Variants in DNM3 observed in about 807,000 individuals in gnomAD.
DNM3 encodes dynamin-3.
Under a neutral mutation model 101.6 loss-of-function variants are expected in DNM3, and 47 were observed. The observed-to-expected ratio is 0.46, with a 90% confidence interval of 0.37 to 0.59. The LOEUF (loss-of-function observed/expected upper bound fraction) is 0.59. Among genes scored for constraint, DNM3 ranks in the 20% least tolerant of loss-of-function variants. The probability of loss-of-function intolerance (pLI) is 0.00; values close to 1 mark genes in which losing one functional copy is unlikely to be tolerated. For missense variants in DNM3, 849 were observed against 1,085.7 expected (o/e 0.78, Z 3.06); for synonymous variants, 385 against 387.9 (o/e 0.99, Z 0.09).
In DNM3 at chr1:172,407,813, G is replaced by T; in HGVS notation, c.2564G>T (p.Arg855Leu). The T allele has an allele frequency of 6.2e-7, 1 of 1,613,040 alleles. No individual in the cohort carries two copies. ...TCACCAACTCGTCCCACTATAATCC[G>T]CCCACTAGAATCCTCCCTGTTAGAC... Reference protein sequence around the residue: ...PPSPTRPTIIRPLESSLLD With the variant: ...PPSPTRPTIILPLESSLLD Residue 855 changes from arginine to leucine, a missense_variant, in exon 21 of 21, where the codon CGC (arginine) becomes CTC (leucine). By Grantham distance (102) the Arg-to-Leu change is moderately radical (BLOSUM62 -2). Around this residue, in one of 5 missense-constraint regions of DNM3, gnomAD observed 256 missense variants for 311.7 expected, o/e 0.82. Transcript: ENST00000627582.
intron 12 of DNM3, among the ~76,000 whole-genome samples, chr1:172,088,222 A>G (rs2053665331): frequency 6.6e-6 from 1 of 152,182 alleles, no homozygotes; most frequent in Admixed American, 6.5e-5. Flanking sequence ...TTTATAAAAT[A>G]CAGGCACAGA....
At chr1:172,171,436 T>C (rs1372608491) in intron 14 of DNM3, among the ~76,000 whole-genome samples, 1 of 151,766 alleles carries the variant, frequency 6.6e-6, no homozygotes, top group African/African-American at 2.4e-5. Flanking sequence ...AGTATGTGAG[T>C]TGAATATAAG....
intron 19 of DNM3, among the ~76,000 whole-genome samples, 170 bp downstream of exon 19, chr1:172,387,529 G>A (rs2069257651): frequency 1.3e-5 from 2 of 152,050 alleles, no homozygotes; most frequent in African/African-American, 4.8e-5. Context: ...CGTGGTGGCG[G>A]GTGCCTGTAG....
chr1:172,224,469 AAG>A (rs1419958811), intron 14 of DNM3, among the ~76,000 whole-genome samples: 1 of 152,170 alleles, frequency 6.6e-6, no homozygotes, highest in Non-Finnish European at 1.5e-5. Flanking sequence ...GAGAGGAAGA[AAG>A]AGGATTAAGC....
chr1:172,408,501 A>G lies in DNM3; in HGVS notation c.*660A>G. ...TTGCTTCATGCTAGAAGCATATGCA[A>G]CAGTGAATAAAAGCTTCTTTTTTTG... On this transcript the variant is annotated 3_prime_UTR_variant, in exon 21 of 21. Transcript: ENST00000627582. The G allele has an allele frequency of 1.0e-6, 1 of 985,372 alleles. No individual in the cohort carries two copies. The highest frequency in any genetic ancestry group is 1.2e-6 in the Non-Finnish European group (1 of 829,882). 61.0% of individuals were successfully genotyped at this position (985,372 alleles called of 1,614,324 possible). A position where few individuals can be genotyped will look rare whatever the true frequency, so the allele number is the denominator to read the frequency against.
intron 2 of DNM3, among the ~76,000 whole-genome samples, chr1:171,969,718 T>C (rs528447958): frequency 2.6e-5 from 4 of 152,250 alleles, no homozygotes; most frequent in Admixed American, 6.5e-5. Context: ...AGAGAGACCT[T>C]GGGGCTGCTT....
At chr1:172,320,472 C>G (rs951470289) in intron 16 of DNM3, among the ~76,000 whole-genome samples, 1 of 151,964 alleles carries the variant, frequency 6.6e-6, no homozygotes, top group Non-Finnish European at 1.5e-5. Flanking sequence ...GAGTTCATGT[C>G]GTTTGCAGGG....
At chr1:172,006,305 T>C (rs1279355316) in intron 4 of DNM3, among the ~76,000 whole-genome samples, 1 of 152,062 alleles carries the variant, frequency 6.6e-6, no homozygotes. Flanking sequence ...TGAAAGTTTC[T>C]TCCTTGTCCA....
chr1:171,945,379 G>A (rs1207833938), intron 2 of DNM3, among the ~76,000 whole-genome samples: 2 of 152,084 alleles, frequency 1.3e-5, no homozygotes, highest in East Asian at 1.9e-4. Flanking sequence ...TTAACCATTG[G>A]AAAAAGTGTT....
At chr1:172,007,037 C>G (rs1378386235) in intron 4 of DNM3, among the ~76,000 whole-genome samples, 4 of 151,918 alleles carry the variant, frequency 2.6e-5, no homozygotes, top group Admixed American at 1.3e-4. Flanking sequence ...GTGAATATAC[C>G]ATATTCTGTC....
intron 7 of DNM3, among the ~76,000 whole-genome samples, chr1:172,038,989 AATGTGAAACT>A (rs2049166813): frequency 6.6e-6 from 1 of 152,002 alleles, no homozygotes; most frequent in African/African-American, 2.4e-5. Context: ...TGAAAATGTA[AATGTGAAACT>A]GCCAAGCATC....
At chr1:172,071,429 A>G (rs1322599853) in intron 11 of DNM3, among the ~76,000 whole-genome samples, 1 of 151,962 alleles carries the variant, frequency 6.6e-6, no homozygotes, top group African/African-American at 2.4e-5. Context: ...TAGTGTGGAC[A>G]TGTCATTTTG....
At chr1:172,293,978 G>A (rs996716370) in intron 15 of DNM3, among the ~76,000 whole-genome samples, 1 of 152,168 alleles carries the variant, frequency 6.6e-6, no homozygotes, top group African/African-American at 2.4e-5. Context: ...GCGCTCCCAT[G>A]ACATTTGTCC....
chr1:171,885,389 G>T (rs554235477), intron 1 of DNM3, among the ~76,000 whole-genome samples: 1 of 152,156 alleles, frequency 6.6e-6, no homozygotes, highest in South Asian at 2.1e-4. Flanking sequence ...TTCAAAGAAT[G>T]TTCCTCATGT....
At chr1:172,264,342 C>T (rs2062780058) in intron 15 of DNM3, among the ~76,000 whole-genome samples, 1 of 152,162 alleles carries the variant, frequency 6.6e-6, no homozygotes, top group African/African-American at 2.4e-5. Flanking sequence ...TTTTAATCCT[C>T]TGTGTTGTGG....
At chr1:172,197,639 G>C (rs939764742) in intron 14 of DNM3, among the ~76,000 whole-genome samples, 1 of 151,970 alleles carries the variant, frequency 6.6e-6, no homozygotes. Context: ...CTGATTATCT[G>C]TATTCCTAGG....
chr1:172,341,652 C>T (rs2066691117), intron 17 of DNM3, among the ~76,000 whole-genome samples: 2 of 152,126 alleles, frequency 1.3e-5, no homozygotes, highest in South Asian at 2.1e-4. Flanking sequence ...TATTCCCTAA[C>T]TGGACCTAGG....
chr1:172,347,569 A>T (rs964474509), intron 17 of DNM3, among the ~76,000 whole-genome samples: 3 of 152,358 alleles, frequency 2.0e-5, no homozygotes, highest in Admixed American at 2.0e-4. Context: ...GATTAGATAT[A>T]GCTGAACAGA....
intron 6 of DNM3, 83 bp downstream of exon 6, chr1:172,033,348 T>C: frequency 1.4e-6 from 2 of 1,411,146 alleles, no homozygotes; most frequent in South Asian, 3.1e-5. Context: ...TTTTTAAGTT[T>C]ATTTTTTTTT....
Sources: gnomAD v4.1 joint callset for allele counts (sites outside exome capture counted in the v4.1 genomes callset) on GRCh38, gnomAD v4.1.1 for gene constraint, gnomAD v4.1.1 regional missense constraint, MANE v1.5 for transcripts, NCBI Gene and HGNC (gene_info 2026-07-23, HGNC 2026-07-21) for gene names.